Variants in GABRB1 observed in about 807,000 individuals in gnomAD.
GABRB1 encodes the protein gamma-aminobutyric acid receptor subunit beta-1.
GABRB1 carries 17 observed loss-of-function variants against 51.6 expected under a neutral mutation model. The observed-to-expected ratio is 0.33, with a 90% CI of 0.23 to 0.49. The LOEUF (loss-of-function observed/expected upper bound fraction) is 0.49, where lower values mean the gene tolerates loss of function less well. Among genes scored for constraint, GABRB1 ranks in the 20% least tolerant of loss-of-function variants. The pLI is 0.99. For synonymous variants in GABRB1, 247 were observed against 218.9 expected (o/e 1.13, Z -1.14); for missense variants, 410 against 600.6 (o/e 0.68, Z 3.32).
intron 3 of GABRB1, among the ~76,000 whole-genome samples, chr4:47,088,253 G>A (rs901238707): frequency 3.3e-5 from 5 of 152,180 alleles, no homozygotes; most frequent in African/African-American, 1.2e-4. Context: ...ACAGAGATGA[G>A]GAATCACACA....
At chr4:47,155,136 T>C (rs1010443171) in intron 3 of GABRB1, among the ~76,000 whole-genome samples, 1 of 152,080 alleles carries the variant, frequency 6.6e-6, no homozygotes, top group Non-Finnish European at 1.5e-5. Context: ...TCATGTGAGA[T>C]AGAATGTGAC....
At chr4:47,391,804 T>C (rs1356286905) in intron 5 of GABRB1, among the ~76,000 whole-genome samples, 1 of 152,208 alleles carries the variant, frequency 6.6e-6, no homozygotes, top group Non-Finnish European at 1.5e-5. Context: ...TTCAAAAATA[T>C]GTATTGAAAC....
chr4:47,383,222 T>C (rs1263389981), intron 5 of GABRB1, among the ~76,000 whole-genome samples: 1 of 152,210 alleles, frequency 6.6e-6, no homozygotes, highest in African/African-American at 2.4e-5. Flanking sequence ...CCATGCCATA[T>C]TTGAAGACAG....
At chr4:47,080,345 G>T (rs13144187) in intron 3 of GABRB1, among the ~76,000 whole-genome samples, 47,318 of 151,384 alleles carry the variant, frequency 0.31, 8,100 homozygotes, top group Middle Eastern at 0.41. Context: ...TCATTAATTA[G>T]CTTTGCAAAC....
At chr4:47,285,260 C>T (rs1723465621) in intron 4 of GABRB1, among the ~76,000 whole-genome samples, 2 of 152,186 alleles carry the variant, frequency 1.3e-5, no homozygotes, top group South Asian at 4.1e-4. Flanking sequence ...CCAGTTAGTT[C>T]TTGGATAGGA....
chr4:47,108,039 C>G (rs1265257666), intron 3 of GABRB1, among the ~76,000 whole-genome samples: 1 of 152,074 alleles, frequency 6.6e-6, no homozygotes, highest in Non-Finnish European at 1.5e-5. Flanking sequence ...CATATCTCCT[C>G]TCATTTCCAA....
At chr4:47,265,786 G>C (rs894425833) in intron 4 of GABRB1, among the ~76,000 whole-genome samples, 1 of 151,946 alleles carries the variant, frequency 6.6e-6, no homozygotes, top group African/African-American at 2.4e-5. Context: ...GCCTACGGGG[G>C]TCATTTGTTT....
At chr4:47,210,898 T>C (rs1284419956) in intron 4 of GABRB1, among the ~76,000 whole-genome samples, 1 of 152,154 alleles carries the variant, frequency 6.6e-6, no homozygotes, top group Non-Finnish European at 1.5e-5. Context: ...CTGTAGATCA[T>C]AGATGACTTC....
intron 4 of GABRB1, among the ~76,000 whole-genome samples, chr4:47,189,445 T>C (rs995158922): frequency 5.9e-5 from 9 of 151,794 alleles, no homozygotes; most frequent in African/African-American, 2.2e-4. Context: ...TAAGATGATA[T>C]ATAGAATATG....
At chr4:47,127,133 TAA>T (rs1453545000) in intron 3 of GABRB1, among the ~76,000 whole-genome samples, 6 of 151,998 alleles carry the variant, frequency 3.9e-5, no homozygotes, top group South Asian at 2.1e-4. Flanking sequence ...CTCCTTATAT[TAA>T]GTCTAATTTC....
chr4:47,318,765 G>A (rs1450101609), intron 4 of GABRB1, among the ~76,000 whole-genome samples: 1 of 152,018 alleles, frequency 6.6e-6, no homozygotes, highest in Non-Finnish European at 1.5e-5. Flanking sequence ...CAGATGGTGA[G>A]TCCACATTTA....
intron 4 of GABRB1, among the ~76,000 whole-genome samples, chr4:47,304,310 A>T (rs754560565): frequency 6.6e-6 from 1 of 151,818 alleles, no homozygotes; most frequent in African/African-American, 2.4e-5. Flanking sequence ...TTTATCTTTC[A>T]TCTTTTTGAT....
intron 8 of GABRB1, among the ~76,000 whole-genome samples, chr4:47,416,389 T>C (rs1235641628): frequency 2.0e-5 from 3 of 152,008 alleles, no homozygotes; most frequent in Admixed American, 6.5e-5. Context: ...TTCTATGTCT[T>C]GAAAAGTAAC....
chr4:47,124,370 T>C (rs1716016008), intron 3 of GABRB1, among the ~76,000 whole-genome samples: 1 of 152,114 alleles, frequency 6.6e-6, no homozygotes, highest in African/African-American at 2.4e-5. Context: ...AGAAGGTCTG[T>C]ACCTGCCAAA....
At chr4:47,145,983 T>C (rs1235454330) in intron 3 of GABRB1, among the ~76,000 whole-genome samples, 1 of 152,052 alleles carries the variant, frequency 6.6e-6, no homozygotes, top group Non-Finnish European at 1.5e-5. Context: ...AAGGTGTCTC[T>C]TGTCCTTCAG....
intron 3 of GABRB1, among the ~76,000 whole-genome samples, chr4:47,037,505 T>C (rs984270139): frequency 4.0e-5 from 6 of 151,890 alleles, no homozygotes; most frequent in Admixed American, 3.9e-4. Context: ...GCCTGTCTGT[T>C]TGGAGATAGC....
At chr4:47,378,465 C>T (rs1027343132) in intron 5 of GABRB1, among the ~76,000 whole-genome samples, 6 of 152,224 alleles carry the variant, frequency 3.9e-5, no homozygotes, top group Admixed American at 3.3e-4. Context: ...GCTGAGAGAG[C>T]CGGCTCCAGC....
chr4:47,248,832 G>A (rs1342462402), intron 4 of GABRB1, among the ~76,000 whole-genome samples: 2 of 151,874 alleles, frequency 1.3e-5, no homozygotes, highest in African/African-American at 2.4e-5. Context: ...CTTTCGTATT[G>A]CAGTGGTGTC....
At chr4:47,222,430 T>C (rs2109825188) in intron 4 of GABRB1, among the ~76,000 whole-genome samples, 1 of 152,264 alleles carries the variant, frequency 6.6e-6, no homozygotes, top group South Asian at 2.1e-4. Context: ...GTGACTTGCT[T>C]TGGTCAATAA....
Sources: allele counts gnomAD v4.1 joint callset (sites outside exome capture counted in the v4.1 genomes callset), GRCh38; gene constraint gnomAD v4.1.1; transcripts MANE v1.5; gene names NCBI Gene and HGNC (gene_info 2026-07-23, HGNC 2026-07-21).